The following OSBPL9 variants were observed in gnomAD, a reference collection of about 807,000 sequenced individuals.
The protein encoded by OSBPL9 is oxysterol-binding protein-related protein 9.
OSBPL9 carries 40 observed loss-of-function variants against 106.6 expected under a neutral mutation model. The observed-to-expected ratio is 0.38, with a 90% CI of 0.29 to 0.49. The LOEUF (loss-of-function observed/expected upper bound fraction) is 0.49, where lower values mean the gene tolerates loss of function less well. OSBPL9 is among the 20% of genes least tolerant of loss of function. The pLI is 0.97. For synonymous variants in OSBPL9, 269 were observed against 295.4 expected (o/e 0.91, Z 0.92); for missense variants, 609 against 887.2 (o/e 0.69, Z 3.98).
intron 1 of OSBPL9, among the ~76,000 whole-genome samples, chr1:51,587,115 C>G (rs1645251153): frequency 6.6e-6 from 1 of 152,196 alleles, no homozygotes; most frequent in Admixed American, 6.5e-5. Flanking sequence ...CCTGTAATCC[C>G]AGCACTTTGG....
intron 3 of OSBPL9, chr1:51,709,205 G>T: frequency 5.3e-6 from 1 of 188,614 alleles, no homozygotes; most frequent in South Asian, 1.1e-4. Context: ...AGATTGTGGC[G>T]ACACCGTACA....
At chr1:51,632,114 C>T (rs1479622894) in intron 1 of OSBPL9, among the ~76,000 whole-genome samples, 3 of 151,700 alleles carry the variant, frequency 2.0e-5, no homozygotes, top group African/African-American at 7.3e-5. Context: ...TATATATACA[C>T]GTATATATAA....
At position 51,788,153 on chromosome 1, in the gene OSBPL9, GATACACACACACACACACATAT is replaced by G. The variant is rs1237955374; in HGVS notation, c.*368_*389del. The G allele has an allele frequency of 4.1e-6, 1 of 241,206 alleles. No homozygotes were observed. The highest frequency in any genetic ancestry group is 1.0e-4 in the East Asian group (1 of 9,732). The allele number at this position is 241,206 out of a possible 1,614,324, so 14.9% of individuals were successfully genotyped here. On this transcript the variant is annotated 3_prime_UTR_variant, in exon 24 of 24. Coordinates refer to ENST00000428468, the MANE Select transcript of OSBPL9 (RefSeq NM_024586.6). ...TGTTTCTTAGTTCATATAATCTCGGGATACACACACACACACACATATATATACACACACATACGTATACACA... is the reference window on the plus strand; with the variant it reads ...TGTTTCTTAGTTCATATAATCTCGGGATATACACACACATACGTATACACA...
the OSBPL9 span, among the ~76,000 whole-genome samples, chr1:51,524,909 A>G: frequency 1.3e-5 from 2 of 152,250 alleles, no homozygotes; most frequent in Admixed American, 6.5e-5. Context: ...GTTTCAAAGC[A>G]TTTTCTCCAT....
intron 2 of OSBPL9, among the ~76,000 whole-genome samples, chr1:51,662,586 G>T (rs1424494586): frequency 1.3e-5 from 2 of 152,038 alleles, no homozygotes; most frequent in African/African-American, 4.8e-5. Context: ...GACATATAAG[G>T]TGTAAGGCTT....
At chr1:51,614,228 T>C (rs1353645097), upstream of OSBPL9, 2 of 152,236 alleles carry the variant, frequency 1.3e-5, no homozygotes, top group Admixed American at 6.5e-5. Context: ...CTTTCAGATA[T>C]ATTCTTATTT....
At chr1:51,663,324 G>A (rs1244326406) in intron 2 of OSBPL9, among the ~76,000 whole-genome samples, 2 of 149,026 alleles carry the variant, frequency 1.3e-5, no homozygotes, top group African/African-American at 4.9e-5. Flanking sequence ...GTGTGTGTGT[G>A]TAAAACGTGT....
the OSBPL9 span, among the ~76,000 whole-genome samples, chr1:51,541,939 G>A: frequency 6.6e-6 from 1 of 151,956 alleles, no homozygotes; most frequent in African/African-American, 2.4e-5. Flanking sequence ...CCAGGCTGAA[G>A]TGCAGTGGCA....
intron 23 of OSBPL9, 105 bp downstream of exon 23, chr1:51,787,593 C>T: frequency 6.3e-7 from 1 of 1,599,772 alleles, no homozygotes; most frequent in Non-Finnish European, 8.5e-7. Flanking sequence ...AAGATGATCG[C>T]TGGTCCCTAC....
At chr1:51,607,152 T>TC (rs1557582735) in intron 2 of OSBPL9, among the ~76,000 whole-genome samples, 1 of 150,882 alleles carries the variant, frequency 6.6e-6, no homozygotes, top group African/African-American at 2.4e-5. Flanking sequence ...GTTTTTCTTT[T>TC]CTTTTCTTTT....
chr1:51,762,868 T>G (rs766450714), intron 11 of OSBPL9, among the ~76,000 whole-genome samples: 5 of 152,258 alleles, frequency 3.3e-5, no homozygotes, highest in Non-Finnish European at 7.3e-5. Flanking sequence ...AATACTTCAG[T>G]GATATCCTTG....
chr1:51,760,886 T>C, intron 10 of OSBPL9, 106 bp downstream of exon 10: 1 of 1,270,880 alleles, frequency 7.9e-7, no homozygotes, highest in Non-Finnish European at 1.1e-6. Context: ...TTTCCTTGTT[T>C]TTAATAAAAG....
chr1:51,726,491 A>G (rs531154231), intron 4 of OSBPL9, among the ~76,000 whole-genome samples: 1 of 152,296 alleles, frequency 6.6e-6, no homozygotes, highest in African/African-American at 2.4e-5. Flanking sequence ...TGTGATTTCT[A>G]GGTAAACATT....
chr1:51,784,353 A>G (rs1441370897), intron 19 of OSBPL9, 26 bp downstream of exon 19: 2 of 1,610,340 alleles, frequency 1.2e-6, no homozygotes, highest in Non-Finnish European at 1.7e-6. Flanking sequence ...TCCTCTGATC[A>G]GCAGTAGACT....
At chr1:51,622,541 T>G (rs1016489610) in intron 1 of OSBPL9, among the ~76,000 whole-genome samples, 4 of 152,206 alleles carry the variant, frequency 2.6e-5, no homozygotes, top group Non-Finnish European at 5.9e-5. Flanking sequence ...AGTCAATATA[T>G]TAGCCAGTGC....
chr1:51,649,736 CTTTTTTTTTTTT>C (rs71578080), intron 1 of OSBPL9, among the ~76,000 whole-genome samples: 5 of 96,990 alleles, frequency 5.2e-5, no homozygotes, highest in Middle Eastern at 6.5e-3. Flanking sequence ...ACATGTTAGT[CTTTTTTTTTTTT>C]TTTTTTTTTT....
intron 15 of OSBPL9, among the ~76,000 whole-genome samples, chr1:51,777,375 T>C (rs970069319): frequency 6.6e-6 from 1 of 152,232 alleles, no homozygotes; most frequent in Non-Finnish European, 1.5e-5. Context: ...AGATGATTTA[T>C]AAATTTTAAA....
chr1:51,550,607 G>A, the OSBPL9 span, among the ~76,000 whole-genome samples: 1 of 152,158 alleles, frequency 6.6e-6, no homozygotes, highest in Non-Finnish European at 1.5e-5. Flanking sequence ...TCGCCTCCCA[G>A]GTTCAAGCAA....
chr1:51,599,497 T>G (rs1000706991), intron 2 of OSBPL9, among the ~76,000 whole-genome samples: 1 of 152,034 alleles, frequency 6.6e-6, no homozygotes, highest in Non-Finnish European at 1.5e-5. Flanking sequence ...TTTAAAAAAA[T>G]TATTATATAC....
Sources: gnomAD v4.1 joint callset for allele counts (sites outside exome capture counted in the v4.1 genomes callset) on GRCh38, gnomAD v4.1.1 for gene constraint, MANE v1.5 for transcripts, NCBI Gene and HGNC (gene_info 2026-07-23, HGNC 2026-07-21) for gene names.